Variants in SUPT20H observed in about 807,000 individuals in gnomAD.
The protein encoded by SUPT20H is SPT20 homolog, SAGA complex component, also known as transcription factor SPT20 homolog.
Under a neutral mutation model 122.8 loss-of-function variants are expected in SUPT20H, and 82 were observed. The observed-to-expected ratio is 0.67, with a 90% confidence interval of 0.56 to 0.80. SUPT20H has a LOEUF of 0.80. SUPT20H is among the 30% of genes least tolerant of loss of function. SUPT20H has a pLI of 0.00. For synonymous variants in SUPT20H, 291 were observed against 313.0 expected, an observed-to-expected ratio of 0.93 and a Z score of 0.74; for missense variants, 831 against 921.6, an observed-to-expected ratio of 0.90 and a Z score of 1.27.
Position 37,009,736 on chromosome 13 carries a change from CGAT to C in SUPT20H, c.2273_2275del (p.His758del), listed in dbSNP as rs747779312. Reference sequence around the variant, plus strand: ...ACTTTTTGACTGGCTGCCTGTATGCCGATGATGATGTAGCTGAGCTGTTTGTGC... The same window carrying C: ...ACTTTTTGACTGGCTGCCTGTATGCCGATGATGTAGCTGAGCTGTTTGTGC... On this transcript the variant is annotated inframe_deletion, in exon 26 of 26. Coordinates refer to ENST00000350612, the MANE Select transcript of SUPT20H (RefSeq NM_001014286.3). 12 of 1,613,776 alleles carry C rather than the reference CGAT, an allele frequency of 7.4e-6. No homozygotes were observed. The highest frequency in any genetic ancestry group is 6.7e-5 in the East Asian group (3 of 44,884).
intron 15 of SUPT20H, 134 bp from the exon 16 acceptor site, chr13:37,026,370 G>GA: frequency 3.3e-6 from 2 of 611,154 alleles, no homozygotes; most frequent in Non-Finnish European, 5.0e-6. Flanking sequence ...ACCAAGATAT[G>GA]AAAAAAATTT....
rs773860717 is a variant in SUPT20H at position 37,033,548 on chromosome 13, G to A, written c.608C>T (p.Thr203Ile). 2.5e-6 allele frequency: 4 copies of A among 1,613,410 alleles called. No homozygotes were observed. The African/African-American group carries it at 4.0e-5, about 16-fold the overall frequency. The change falls in exon 10 of 26, where the codon ACA (threonine) becomes ATA (isoleucine). Residue 203 changes from threonine to isoleucine, a missense_variant. Coordinates refer to ENST00000350612, the MANE Select transcript of SUPT20H (RefSeq NM_001014286.3). ...LLLESQLILATAEPLCLDPSI... is the reference protein window; with the variant it reads ...LLLESQLILAIAEPLCLDPSI... ...AGGATCAAGACAGAGTGGTTCAGCT[G>A]TAGCTAGGATGAGCTGGCTCTCAAG...
At position 37,022,692 on chromosome 13, in the gene SUPT20H, A is replaced by C; in HGVS notation, c.1592-612T>G. The C allele has an allele frequency of 3.0e-6, 3 of 993,260 alleles. No homozygotes were observed. Among genetic ancestry groups the C allele is most frequent in the Non-Finnish European group, 3.6e-6 (3 of 833,244 alleles). 61.5% of individuals were successfully genotyped at this position (993,260 alleles called of 1,614,324 possible). Reference sequence around the variant, plus strand: ...TCACTAATTCAAGACTTCATTTAAAAATATTGCTTATTTAGTGTAAAAGTC... The same window carrying C: ...TCACTAATTCAAGACTTCATTTAAACATATTGCTTATTTAGTGTAAAAGTC... On this transcript the variant is annotated intron_variant, in intron 19 of 25. Transcript: ENST00000350612. This position sits in a 1 kb window ranked among gnomAD's most constrained non-coding sequence, Gnocchi z 4.5.
intron 13 of SUPT20H, 60 bp from the exon 14 acceptor site, chr13:37,028,365 A>G: frequency 6.8e-7 from 1 of 1,466,618 alleles, no homozygotes. Flanking sequence ...AATAAGAATT[A>G]GTAAAAATCA....
chr13:37,044,487 C>T (rs572950531), intron 6 of SUPT20H, among the ~76,000 whole-genome samples: 2 of 152,174 alleles, frequency 1.3e-5, no homozygotes, highest in African/African-American at 4.8e-5. Context: ...TGAAAGTTCA[C>T]TGAAGACCAA....
chr13:37,056,808 C>T (rs1036791961), intron 1 of SUPT20H: 2 of 151,546 alleles, frequency 1.3e-5, no homozygotes, highest in Non-Finnish European at 2.9e-5. Flanking sequence ...TCTATAACTA[C>T]AGGAGTTCTT....
At chr13:37,026,925 T>C (rs1050907453) in intron 14 of SUPT20H, 109 bp from the exon 15 acceptor site, 5 of 678,210 alleles carry the variant, frequency 7.4e-6, no homozygotes, top group Non-Finnish European at 1.1e-5. Flanking sequence ...TGGAAGATAA[T>C]AAATCATGCA....
At chr13:37,010,965 T>A (rs1029316388) in intron 24 of SUPT20H, 3 of 189,850 alleles carry the variant, frequency 1.6e-5, no homozygotes, top group Admixed American at 5.6e-5. Flanking sequence ...GAGTATATTA[T>A]TTTTGAAATA....
chr13:37,048,034 T>C (rs1428231172), intron 3 of SUPT20H, 98 bp from the exon 4 acceptor site: 1 of 774,454 alleles, frequency 1.3e-6, no homozygotes, highest in Admixed American at 2.9e-5. Flanking sequence ...CTAAAAAGGC[T>C]ATTCACTTAA....
intron 23 of SUPT20H, among the ~76,000 whole-genome samples, chr13:37,016,951 T>C (rs907073224): frequency 2.0e-5 from 3 of 152,172 alleles, no homozygotes; most frequent in Non-Finnish European, 4.4e-5. Flanking sequence ...ACATGAGTGA[T>C]AGGGGCACAA....
chr13:37,055,367 T>C (rs2068702602), intron 1 of SUPT20H, among the ~76,000 whole-genome samples: 1 of 152,048 alleles, frequency 6.6e-6, no homozygotes, highest in African/African-American at 2.4e-5. Context: ...CTTCAAACTA[T>C]ACTACAAGGC....
chr13:37,050,150 T>C (rs1364846312), intron 2 of SUPT20H, among the ~76,000 whole-genome samples: 2 of 152,132 alleles, frequency 1.3e-5, no homozygotes, highest in Non-Finnish European at 2.9e-5. Flanking sequence ...TATCTAAATA[T>C]GATAAGTGAA....
chr13:37,051,351 G>T, intron 2 of SUPT20H, 137 bp downstream of exon 2: 2 of 772,574 alleles, frequency 2.6e-6, no homozygotes, highest in Non-Finnish European at 4.1e-6. Flanking sequence ...CAATGGGATT[G>T]CTAAGTAATT....
intron 9 of SUPT20H, among the ~76,000 whole-genome samples, chr13:37,035,403 T>C (rs1349655752): frequency 6.6e-6 from 1 of 152,096 alleles, no homozygotes; most frequent in Non-Finnish European, 1.5e-5. Context: ...TCACTGCAGA[T>C]GTGGTGATAG....
intron 2 of SUPT20H, among the ~76,000 whole-genome samples, chr13:37,051,041 G>C (rs2067572460): frequency 6.6e-6 from 1 of 152,176 alleles, no homozygotes; most frequent in African/African-American, 2.4e-5. Flanking sequence ...TCAGTGAACA[G>C]AAATGTGCCA....
At chr13:37,015,172 A>T (rs139669460) in intron 23 of SUPT20H, among the ~76,000 whole-genome samples, 281 of 141,892 alleles carry the variant, frequency 2.0e-3, no homozygotes, top group Non-Finnish European at 3.8e-3. Flanking sequence ...ACATTAAAAT[A>T]AAAAAAAAAA....
At chr13:37,033,344 C>T in intron 10 of SUPT20H, 105 bp downstream of exon 10, 1 of 1,407,094 alleles carries the variant, frequency 7.1e-7, no homozygotes, top group Non-Finnish European at 9.6e-7. Flanking sequence ...CTACCCTTCC[C>T]CACCAAAATC....
At chr13:37,041,922 AG>A (rs2065541569) in intron 7 of SUPT20H, among the ~76,000 whole-genome samples, 1 of 152,196 alleles carries the variant, frequency 6.6e-6, no homozygotes, top group Non-Finnish European at 1.5e-5. Flanking sequence ...TAGAAACCTT[AG>A]GTTTTACCTA....
rs528839740 is a variant in SUPT20H, at chr13:37,024,412, C to A, written c.1360G>T (p.Val454Leu). ...CGATGTTTTACACCCTTCCCCAATA[C>A]CGAAGACTGAACTGACACGGTTTCA... ...QTETVSVQSS[V>L]LGKGVKHRPP... Residue 454 changes from valine (V) to leucine (L), a missense_variant, in exon 18 of 26, where the codon GTA (valine) becomes TTA (leucine). By Grantham distance (32) the Val-to-Leu change is conservative. Coordinates refer to ENST00000350612, the MANE Select transcript of SUPT20H (RefSeq NM_001014286.3). 4 of 1,579,744 alleles carry A rather than the reference C, an allele frequency of 2.5e-6. No homozygotes were observed. Among genetic ancestry groups the A allele is most frequent in the Non-Finnish European group, 2.6e-6 (3 of 1,166,410 alleles).
Sources: allele counts gnomAD v4.1 joint callset (sites outside exome capture counted in the v4.1 genomes callset), GRCh38; gene constraint gnomAD v4.1.1; non-coding constraint Gnocchi (gnomAD v3.1); transcripts MANE v1.5; gene names NCBI Gene and HGNC (gene_info 2026-07-23, HGNC 2026-07-21).